Variants in DPH6 observed in about 807,000 individuals in gnomAD.
DPH6 encodes diphthamine biosynthesis 6, also known as diphthine--ammonia ligase.
Under a neutral mutation model 38.2 loss-of-function variants are expected in DPH6, and 33 were observed. The observed-to-expected ratio is 0.86, with a 90% CI of 0.65 to 1.15. DPH6 has a LOEUF of 1.15. Among genes scored for constraint, DPH6 ranks in the 50% most tolerant of loss-of-function variants. The pLI, the probability that DPH6 is intolerant of heterozygous loss-of-function variation, is 0.00. For synonymous variants in DPH6, 108 were observed against 103.0 expected, an observed-to-expected ratio of 1.05 and a Z score of -0.30; for missense variants, 325 against 320.0, an observed-to-expected ratio of 1.02 and a Z score of -0.12.
intron 3 of DPH6, among the ~76,000 whole-genome samples, chr15:35,523,416 A>C (rs2054952469): frequency 6.6e-6 from 1 of 151,902 alleles, no homozygotes; most frequent in Admixed American, 6.6e-5. Context: ...TAAAGAAGAG[A>C]TGTTAACTGT....
chr15:35,156,607 G>C, the DPH6 span, among the ~76,000 whole-genome samples: 2 of 152,040 alleles, frequency 1.3e-5, no homozygotes, highest in African/African-American at 4.8e-5. Context: ...CTAACGACTA[G>C]AGAATGCAAA....
chr15:35,275,733 A>T (rs974331635), intron 3 of DPH6, among the ~76,000 whole-genome samples: 1 of 151,914 alleles, frequency 6.6e-6, no homozygotes, highest in African/African-American at 2.4e-5. Flanking sequence ...AAAAAATAAT[A>T]ATATTAGTCT....
chr15:35,270,702 C>T (rs148307234), intron 3 of DPH6, among the ~76,000 whole-genome samples: 77 of 152,240 alleles, frequency 5.1e-4, no homozygotes, highest in African/African-American at 1.8e-3. Flanking sequence ...CTTTGAAATG[C>T]TCTTGTGTTT....
intron 3 of DPH6, among the ~76,000 whole-genome samples, chr15:35,467,352 G>A (rs187045888): frequency 6.6e-6 from 1 of 152,184 alleles, no homozygotes; most frequent in Non-Finnish European, 1.5e-5. Context: ...ATCACTTGAG[G>A]TCAGGAGTTT....
At chr15:35,307,615 CAA>C (rs2052103102) in intron 3 of DPH6, among the ~76,000 whole-genome samples, 1 of 151,952 alleles carries the variant, frequency 6.6e-6, no homozygotes, top group South Asian at 2.1e-4. Context: ...GTATATAAAA[CAA>C]TATTTTTATT....
chr15:35,382,864 A>C (rs2052890140), intron 6 of DPH6, among the ~76,000 whole-genome samples: 1 of 151,970 alleles, frequency 6.6e-6, no homozygotes, highest in Non-Finnish European at 1.5e-5. Flanking sequence ...GAAAAAAAAA[A>C]CCAAGCAGCA....
intron 5 of DPH6, among the ~76,000 whole-genome samples, chr15:35,418,411 T>G (rs2053462952): frequency 6.6e-6 from 1 of 152,142 alleles, no homozygotes; most frequent in African/African-American, 2.4e-5. Flanking sequence ...AGAAAAAATT[T>G]ACTGTAAACT....
intron 3 of DPH6, among the ~76,000 whole-genome samples, chr15:35,296,373 T>G (rs1191821393): frequency 2.6e-5 from 4 of 152,210 alleles, no homozygotes; most frequent in African/African-American, 9.6e-5. Flanking sequence ...AGCCTACTTA[T>G]TCTAGCTCCC....
chr15:35,419,046 T>C, intron 5 of DPH6, among the ~76,000 whole-genome samples: 1 of 139,036 alleles, frequency 7.2e-6, no homozygotes, highest in African/African-American at 2.9e-5. Flanking sequence ...TCATGTACCT[T>C]TCAAACTAAA....
intron 3 of DPH6, among the ~76,000 whole-genome samples, chr15:35,288,422 C>T (rs2051957806): frequency 6.6e-6 from 1 of 152,146 alleles, no homozygotes; most frequent in Non-Finnish European, 1.5e-5. Flanking sequence ...TCTAGTCATT[C>T]ATTGTATGTA....
At chr15:35,363,231 G>A (rs78911204) in intron 3 of DPH6, among the ~76,000 whole-genome samples, 30 of 152,112 alleles carry the variant, frequency 2.0e-4, no homozygotes, top group Admixed American at 3.3e-4. Context: ...TGAAAGAAGC[G>A]TGCAAAAATC....
intron 3 of DPH6, chr15:35,238,128 C>T (rs561808279): frequency 2.7e-5 from 32 of 1,182,690 alleles, no homozygotes; most frequent in African/African-American, 1.4e-4. Context: ...ATCCCCTCCC[C>T]CGCTCCAATC....
chr15:35,458,058 A>G (rs923586444), intron 3 of DPH6, among the ~76,000 whole-genome samples: 5 of 152,204 alleles, frequency 3.3e-5, no homozygotes, highest in Non-Finnish European at 7.3e-5. Flanking sequence ...CAGATTACTT[A>G]TAATACCCAA....
At chr15:35,330,019 T>A (rs1179913430), downstream of DPH6, among the ~76,000 whole-genome samples, 1 of 152,192 alleles carries the variant, frequency 6.6e-6, no homozygotes, top group Non-Finnish European at 1.5e-5. Flanking sequence ...CTAGAGAATT[T>A]TTGCATTAAT....
intron 3 of DPH6, among the ~76,000 whole-genome samples, chr15:35,532,197 G>A (rs1450909422): frequency 1.3e-5 from 2 of 152,156 alleles, no homozygotes; most frequent in African/African-American, 2.4e-5. Context: ...CAGACTAGTA[G>A]GACTGCCAGG....
intron 6 of DPH6, chr15:35,400,788 T>C: frequency 2.6e-6 from 2 of 758,852 alleles, no homozygotes; most frequent in South Asian, 2.7e-5. Flanking sequence ...CGAGGATCCA[T>C]TCTGAGCAAT....
At chr15:35,531,978 G>C (rs761590340) in intron 3 of DPH6, among the ~76,000 whole-genome samples, 2 of 152,136 alleles carry the variant, frequency 1.3e-5, no homozygotes, top group Non-Finnish European at 2.9e-5. Context: ...TAGAGTTATA[G>C]ACAAGCTGCC....
the DPH6 span, among the ~76,000 whole-genome samples, chr15:35,185,097 C>G: frequency 6.6e-6 from 1 of 151,344 alleles, no homozygotes; most frequent in Non-Finnish European, 1.5e-5. Flanking sequence ...AAAAAAAACT[C>G]AATCCACAAC....
At chr15:35,545,483 A>G (rs1255240265) in intron 1 of DPH6, among the ~76,000 whole-genome samples, 1 of 152,246 alleles carries the variant, frequency 6.6e-6, no homozygotes, top group Non-Finnish European at 1.5e-5. Context: ...AGACTAGTAC[A>G]ATTCGGTCTC....
Sources: allele counts gnomAD v4.1 joint callset (sites outside exome capture counted in the v4.1 genomes callset), GRCh38; gene constraint gnomAD v4.1.1; transcripts MANE v1.5; gene names NCBI Gene and HGNC (gene_info 2026-07-23, HGNC 2026-07-21).